The following CHLSN variants were observed in gnomAD, a reference collection of about 807,000 sequenced individuals.
CHLSN encodes cholesin, also known as protein cholesin.
chr7:1,117,489 T>C, the CHLSN span, among the ~76,000 whole-genome samples: 1 of 128,914 alleles, frequency 7.8e-6, no homozygotes, highest in Non-Finnish European at 1.6e-5. Flanking sequence ...CGGACCGGCT[T>C]CCATCACCGA....
chr7:1,012,025 C>G, the CHLSN span, among the ~76,000 whole-genome samples: 2 of 152,218 alleles, frequency 1.3e-5, no homozygotes, highest in Non-Finnish European at 2.9e-5. Context: ...CCAACCAGCT[C>G]CATGCTCACC....
At chr7:979,214 A>G in the CHLSN span, among the ~76,000 whole-genome samples, 1 of 152,168 alleles carries the variant, frequency 6.6e-6, no homozygotes, top group Non-Finnish European at 1.5e-5. Flanking sequence ...GAGCATTGCA[A>G]TCCGGGAGGG....
At chr7:1,058,040 G>GC in the CHLSN span, 1 of 768,856 alleles carries the variant, frequency 1.3e-6, no homozygotes, top group Non-Finnish European at 2.4e-6. Context: ...CCACCCGCGC[G>GC]CTAGAGTGCG....
At chr7:1,040,375 C>T in the CHLSN span, among the ~76,000 whole-genome samples, 5 of 151,858 alleles carry the variant, frequency 3.3e-5, no homozygotes, top group African/African-American at 1.2e-4. Context: ...CGCACCTGTA[C>T]TCCCAGGTAC....
chr7:1,085,733 C>T, the CHLSN span, among the ~76,000 whole-genome samples: 29,773 of 148,452 alleles, frequency 0.2, 3,329 homozygotes, highest in Middle Eastern at 0.35. Flanking sequence ...ACTCAGGGGC[C>T]GGGGTGGGAG....
At chr7:1,031,187 C>T in the CHLSN span, among the ~76,000 whole-genome samples, 166 of 152,342 alleles carry the variant, frequency 1.1e-3, no homozygotes, top group African/African-American at 3.8e-3. Flanking sequence ...CCGTTCCACA[C>T]GCTACATATC....
the CHLSN span, among the ~76,000 whole-genome samples, chr7:1,008,491 G>A: frequency 1.3e-5 from 2 of 152,160 alleles, no homozygotes; most frequent in East Asian, 3.9e-4. Context: ...CTCAGGGAGA[G>A]GGAAGCTAAG....
the CHLSN span, among the ~76,000 whole-genome samples, chr7:1,016,313 A>G: frequency 2.0e-5 from 1 of 51,020 alleles, no homozygotes; most frequent in African/African-American, 1.8e-4. Flanking sequence ...ATAGCAGCAC[A>G]GCAGCACACA....
At chr7:1,111,088 C>CA in the CHLSN span, among the ~76,000 whole-genome samples, 1,983 of 151,830 alleles carry the variant, frequency 0.013, 33 homozygotes, top group African/African-American at 0.045. Flanking sequence ...AAGAAAAAAG[C>CA]AAAAAAAACA....
the CHLSN span, among the ~76,000 whole-genome samples, chr7:1,096,167 C>T: frequency 1.3e-5 from 2 of 152,234 alleles, no homozygotes; most frequent in Non-Finnish European, 2.9e-5. The surrounding 1 kb of genome is among the most constrained non-coding windows in gnomAD (Gnocchi z 4.6). Flanking sequence ...AGCGTCACGC[C>T]GCCCCACTAC....
At chr7:1,085,773 C>G in the CHLSN span, among the ~76,000 whole-genome samples, 4 of 151,060 alleles carry the variant, frequency 2.6e-5, no homozygotes, top group Non-Finnish European at 4.4e-5. Context: ...GTGGAGGCTG[C>G]AGTGAGCTGA....
chr7:1,042,165 G>A, the CHLSN span, among the ~76,000 whole-genome samples: 2 of 152,040 alleles, frequency 1.3e-5, no homozygotes, highest in Non-Finnish European at 2.9e-5. Flanking sequence ...AACACACACG[G>A]CACACAACCA....
chr7:1,111,628 T>C, the CHLSN span, among the ~76,000 whole-genome samples: 3 of 152,180 alleles, frequency 2.0e-5, no homozygotes, highest in African/African-American at 7.2e-5. Flanking sequence ...AGGGAGACTC[T>C]GTCCCTACAA....
the CHLSN span, among the ~76,000 whole-genome samples, chr7:1,016,080 CACACA>C: frequency 0.077 from 10,158 of 132,426 alleles, 1,978 homozygotes; most frequent in African/African-American, 0.19. Context: ...CGCACAGCAG[CACACA>C]GCAGCGCACA....
At chr7:1,019,391 TG>T in the CHLSN span, among the ~76,000 whole-genome samples, 1 of 152,148 alleles carries the variant, frequency 6.6e-6, no homozygotes, top group Non-Finnish European at 1.5e-5. Flanking sequence ...GCCAGGTTGT[TG>T]ATCACCCACG....
At chr7:1,007,996 C>T in the CHLSN span, among the ~76,000 whole-genome samples, 13 of 152,308 alleles carry the variant, frequency 8.5e-5, no homozygotes, top group South Asian at 1.7e-3. Flanking sequence ...CCTTGTCTAA[C>T]AGTCCACACT....
the CHLSN span, among the ~76,000 whole-genome samples, chr7:1,016,862 GCACA>G: frequency 7.5e-6 from 1 of 132,644 alleles, no homozygotes; most frequent in Non-Finnish European, 1.5e-5. Flanking sequence ...GCAGCACACA[GCACA>G]CAGCAGCGCA....
the CHLSN span, among the ~76,000 whole-genome samples, chr7:1,031,909 AC>A: frequency 1.3e-5 from 2 of 151,920 alleles, no homozygotes; most frequent in African/African-American, 4.8e-5. Flanking sequence ...CACCCGGGGA[AC>A]GGGCCGAGAG....
the CHLSN span, among the ~76,000 whole-genome samples, chr7:1,047,386 G>A: frequency 1.3e-5 from 2 of 152,224 alleles, no homozygotes; most frequent in African/African-American, 4.8e-5. Flanking sequence ...AAAAGCAAAA[G>A]GCTACAAAAA....
Sources: gnomAD v4.1 joint callset for allele counts (sites outside exome capture counted in the v4.1 genomes callset) on GRCh38, gnomAD v4.1.1 for gene constraint, Gnocchi (gnomAD v3.1) non-coding constraint, MANE v1.5 for transcripts, NCBI Gene and HGNC (gene_info 2026-07-23, HGNC 2026-07-21) for gene names.